ZNF385D: variants seen among roughly 807,000 people sequenced by gnomAD.
ZNF385D encodes the protein zinc finger protein 659.
ZNF385D carries 15 observed loss-of-function variants against 35.8 expected under a neutral mutation model. The ratio of observed to expected loss-of-function variants is 0.42; its 90% confidence interval spans 0.28 to 0.64. The LOEUF (loss-of-function observed/expected upper bound fraction) is 0.64, where lower values mean the gene tolerates loss of function less well. Ranked by LOEUF, ZNF385D falls within the 30% of genes least tolerant of loss-of-function variation. ZNF385D has a pLI of 0.23. For synonymous variants in ZNF385D, 212 were observed against 186.8 expected (o/e 1.13, Z -1.10); for missense variants, 474 against 494.6 (o/e 0.96, Z 0.39).
intron 3 of ZNF385D, among the ~76,000 whole-genome samples, chr3:21,860,848 G>T (rs944485943): frequency 2.0e-5 from 3 of 152,118 alleles, no homozygotes; most frequent in Non-Finnish European, 4.4e-5. Flanking sequence ...TCTACTTGGA[G>T]ATTCCTGTCA....
chr3:22,330,067 C>T lies in ZNF385D; in HGVS notation c.106+42383G>A, dbSNP rs189181911. 2.2e-4 allele frequency among the ~76,000 whole-genome samples: 33 copies of T among 152,184 alleles called. No homozygotes were observed. In the East Asian group the frequency reaches 6.2e-3, roughly 29 times the overall value. On this transcript the variant is annotated intron_variant, in intron 2 of 5. Transcript: ENST00000494108. The stretch of plus-strand genomic sequence containing the variant: ...CTAATTGTCTGTGTGGCAAATTGAT[C>T]GATTCTCCTTTAAACTGAGCTAACT...
chr3:21,928,310 TAGG>T (rs1412979257), intron 3 of ZNF385D, among the ~76,000 whole-genome samples: 3 of 95,770 alleles, frequency 3.1e-5, no homozygotes, highest in East Asian at 6.1e-4. Flanking sequence ...GGAAGGAAGG[TAGG>T]AGGGAGGAAG....
intron 3 of ZNF385D, among the ~76,000 whole-genome samples, chr3:21,968,287 T>C (rs1303554345): frequency 1.3e-5 from 2 of 152,214 alleles, no homozygotes; most frequent in East Asian, 3.9e-4. Flanking sequence ...CCCTCCACCA[T>C]GGGCTAAAGG....
At chr3:21,695,177 C>T (rs770273326) in intron 1 of ZNF385D, among the ~76,000 whole-genome samples, 5 of 152,160 alleles carry the variant, frequency 3.3e-5, no homozygotes, top group Non-Finnish European at 5.9e-5. Flanking sequence ...AATACAAAAG[C>T]GCGATGTGAA....
At chr3:21,669,904 G>A (rs1475491488) in intron 1 of ZNF385D, among the ~76,000 whole-genome samples, 1 of 152,096 alleles carries the variant, frequency 6.6e-6, no homozygotes, top group Non-Finnish European at 1.5e-5. Flanking sequence ...CTCCATGAGA[G>A]TGCGGTGGTT....
At chr3:21,434,463 C>G (rs986395784) in intron 5 of ZNF385D, among the ~76,000 whole-genome samples, 23 of 152,126 alleles carry the variant, frequency 1.5e-4, no homozygotes, top group African/African-American at 5.6e-4. Context: ...TGGATTTCCC[C>G]ATACCACACC....
intron 3 of ZNF385D, among the ~76,000 whole-genome samples, chr3:22,097,335 T>G (rs1701686846): frequency 6.6e-6 from 1 of 152,108 alleles, no homozygotes; most frequent in Non-Finnish European, 1.5e-5. Flanking sequence ...GTGTTGGGTT[T>G]GGAACTAGAT....
intron 2 of ZNF385D, among the ~76,000 whole-genome samples, chr3:21,586,862 GA>G (rs2063825856): frequency 6.6e-6 from 1 of 152,134 alleles, no homozygotes; most frequent in African/African-American, 2.4e-5. Context: ...AGCAAGTATT[GA>G]AATAAAGATA....
At chr3:21,682,704 A>G (rs773977126) in intron 1 of ZNF385D, among the ~76,000 whole-genome samples, 2 of 149,902 alleles carry the variant, frequency 1.3e-5, no homozygotes, top group Non-Finnish European at 3.0e-5. Context: ...CAAGTAATCT[A>G]CTTCCTGAGC....
chr3:22,261,135 A>T (rs939549180), intron 2 of ZNF385D, among the ~76,000 whole-genome samples: 1 of 151,568 alleles, frequency 6.6e-6, no homozygotes, highest in Admixed American at 6.6e-5. Context: ...ATCTACACCG[A>T]CCTACCTTTC....
chr3:21,743,267 G>A (rs541696233), intron 1 of ZNF385D, among the ~76,000 whole-genome samples: 1 of 152,172 alleles, frequency 6.6e-6, no homozygotes, highest in Non-Finnish European at 1.5e-5. Flanking sequence ...AGCTAATTTG[G>A]ACTTTTTTTA....
intron 2 of ZNF385D, among the ~76,000 whole-genome samples, chr3:22,340,510 G>A (rs1695374404): frequency 2.0e-5 from 3 of 152,154 alleles, no homozygotes; most frequent in Admixed American, 1.3e-4. Flanking sequence ...TCTGGGTGAT[G>A]TGGTGCACGC....
chr3:21,488,157 G>A (rs544796361), intron 4 of ZNF385D, among the ~76,000 whole-genome samples: 39 of 151,504 alleles, frequency 2.6e-4, no homozygotes, highest in Admixed American at 4.0e-4. Context: ...TATATGTCTC[G>A]TTCCTTTCTT....
chr3:21,518,860 G>C (rs1236779705), intron 3 of ZNF385D, among the ~76,000 whole-genome samples: 1 of 152,082 alleles, frequency 6.6e-6, no homozygotes, highest in Non-Finnish European at 1.5e-5. Flanking sequence ...ACAGGATATA[G>C]ATATATTTAT....
intron 3 of ZNF385D, among the ~76,000 whole-genome samples, chr3:21,888,489 G>A (rs1036565018): frequency 1.3e-5 from 2 of 152,076 alleles, no homozygotes; most frequent in Non-Finnish European, 2.9e-5. Context: ...AGTTTCATAA[G>A]TACCAGAGAG....
chr3:21,974,707 G>A (rs987818359), intron 3 of ZNF385D, among the ~76,000 whole-genome samples: 1 of 151,986 alleles, frequency 6.6e-6, no homozygotes, highest in Non-Finnish European at 1.5e-5. Flanking sequence ...TATATAAGGA[G>A]CTCAGACAAC....
chr3:21,718,015 C>G (rs2068391575), intron 1 of ZNF385D, among the ~76,000 whole-genome samples: 1 of 152,198 alleles, frequency 6.6e-6, no homozygotes, highest in Admixed American at 6.5e-5. Context: ...TTCAATAAGT[C>G]TGGGGAGGCA....
intron 2 of ZNF385D, among the ~76,000 whole-genome samples, chr3:22,234,127 G>A (rs1189246555): frequency 6.6e-6 from 1 of 152,006 alleles, no homozygotes; most frequent in Non-Finnish European, 1.5e-5. Context: ...CCACCACTAG[G>A]TAAGTAAATG....
chr3:21,820,785 C>T (rs1017201137), intron 3 of ZNF385D, among the ~76,000 whole-genome samples: 2 of 143,404 alleles, frequency 1.4e-5, no homozygotes, highest in Non-Finnish European at 3.1e-5. Flanking sequence ...CACAGAAAAC[C>T]CCAAGAAGTC....
Sources: allele counts gnomAD v4.1 joint callset (sites outside exome capture counted in the v4.1 genomes callset), GRCh38; gene constraint gnomAD v4.1.1; transcripts MANE v1.5; gene names NCBI Gene and HGNC (gene_info 2026-07-23, HGNC 2026-07-21).